SNX31: variants seen among roughly 807,000 people sequenced by gnomAD.
SNX31 encodes the protein sorting nexin-31.
A neutral mutation model predicts 65.4 loss-of-function variants in SNX31; 58 were observed. The observed-to-expected ratio is 0.89, with a 90% CI of 0.72 to 1.10. The LOEUF is 1.10. SNX31 is among the 50% of genes least tolerant of loss of function. The pLI is 0.00. For synonymous variants in SNX31, 181 were observed against 190.1 expected (o/e 0.95, Z 0.39); for missense variants, 523 against 529.7 (o/e 0.99, Z 0.12).
chr8:100,583,440 A>G (rs1813742077), intron 12 of SNX31, among the ~76,000 whole-genome samples: 1 of 152,082 alleles, frequency 6.6e-6, no homozygotes, highest in African/African-American at 2.4e-5. Flanking sequence ...TAAAAAAAAA[A>G]TTGTACTGTC....
chr8:100,584,780 ACT>A (rs1355410919), intron 11 of SNX31, among the ~76,000 whole-genome samples: 1 of 132,284 alleles, frequency 7.6e-6, no homozygotes, highest in African/African-American at 2.9e-5. Context: ...AGACAGTCTC[ACT>A]CTGTCACCCA....
chr8:100,582,800 A>G (rs1586846372), intron 12 of SNX31, among the ~76,000 whole-genome samples: 1 of 151,586 alleles, frequency 6.6e-6, no homozygotes, highest in Admixed American at 6.6e-5. Context: ...ACGTGGTGCA[A>G]CCCTGTCTCT....
At chr8:100,618,816 G>A (rs1235881640) in intron 4 of SNX31, 1 of 167,172 alleles carries the variant, frequency 6.0e-6, no homozygotes, top group Non-Finnish European at 1.3e-5. Flanking sequence ...TCCCAGCACC[G>A]CCACTTGCTC....
chr8:100,592,426 T>C (rs1489184488), intron 10 of SNX31, among the ~76,000 whole-genome samples: 1 of 152,198 alleles, frequency 6.6e-6, no homozygotes, highest in Non-Finnish European at 1.5e-5. Context: ...CACAATGGGA[T>C]ACCGTGTCAC....
intron 12 of SNX31, among the ~76,000 whole-genome samples, chr8:100,577,360 C>T (rs1465256421): frequency 1.3e-5 from 2 of 152,188 alleles, no homozygotes; most frequent in Admixed American, 6.5e-5. Flanking sequence ...GAACATCACA[C>T]GAAATGAAAT....
Position 100,588,948 on chromosome 8 carries a change from C to T in SNX31, c.1010G>A (p.Arg337Lys), listed in dbSNP as rs781483430. The stretch of plus-strand genomic sequence containing the variant: ...GAGCTCTAAGTTCTGGTTGAGAGTT[C>T]TCTGGGGCCCATCCGTATCCAGCAG... ...GTLLDTDGPQ[R>K]TLNQNLELRF... The change falls in exon 11 of 14, where the codon AGA becomes AAA. Residue 337 changes from arginine to lysine, a missense_variant. Coordinates refer to ENST00000311812, the MANE Select transcript of SNX31 (RefSeq NM_152628.4). The surrounding 1 kb of genome is among the most constrained non-coding windows in gnomAD (Gnocchi z 4.8). 6.2e-7 allele frequency: 1 copy of T among 1,614,016 alleles called. No individual in the cohort carries two copies. The highest frequency in any genetic ancestry group is 8.5e-7 in the Non-Finnish European group (1 of 1,179,922).
chr8:100,626,318 C>T lies in SNX31; in HGVS notation c.321+4009G>A, dbSNP rs765849008. ...TACAAAAAGCCTAAGTAAATTGACCCAAGTCATATAAATCAAAAGTAGGGC... is the reference window on the plus strand; with the variant it reads ...TACAAAAAGCCTAAGTAAATTGACCTAAGTCATATAAATCAAAAGTAGGGC... On this transcript the variant is annotated intron_variant, in intron 4 of 13. Coordinates refer to ENST00000311812, the MANE Select transcript of SNX31 (RefSeq NM_152628.4). The surrounding 1 kb of genome is among the most constrained non-coding windows in gnomAD (Gnocchi z 4.4). 3.9e-5 allele frequency among the ~76,000 whole-genome samples: 6 copies of T among 152,124 alleles called. No individual in the cohort carries two copies. Among genetic ancestry groups the T allele is most frequent in the Non-Finnish European group, 8.8e-5 (6 of 68,036 alleles).
At chr8:100,596,903 A>G in intron 9 of SNX31, 61 bp from the exon 10 acceptor site, 1 of 1,384,584 alleles carries the variant, frequency 7.2e-7, no homozygotes, top group Non-Finnish European at 1.0e-6. Context: ...GACCACTTGA[A>G]ACAGATGAAA....
At chr8:100,590,813 T>C (rs992730098) in intron 10 of SNX31, among the ~76,000 whole-genome samples, 2 of 150,552 alleles carry the variant, frequency 1.3e-5, no homozygotes, top group Non-Finnish European at 2.9e-5. Flanking sequence ...AACAACAAAA[T>C]ATGAATTGGA....
chr8:100,641,612 ACG>A (rs1819228461), intron 2 of SNX31, among the ~76,000 whole-genome samples: 1 of 56,634 alleles, frequency 1.8e-5, no homozygotes, highest in Non-Finnish European at 3.3e-5. Flanking sequence ...ACACACACAC[ACG>A]CACACACGCG....
At position 100,648,517 on chromosome 8, in the gene SNX31, C is replaced by CA. The variant is rs1199857858; in HGVS notation, c.141+756dup. On this transcript the variant is annotated intron_variant, in intron 2 of 13. Transcript: ENST00000311812. The surrounding 1 kb of genome is among the most constrained non-coding windows in gnomAD (Gnocchi z 4.3). ...GCTGTTTATAACCTAAAATCTAAAA[C>CA]AAAAAAACAAAAATCACTATTCATG... Among the ~76,000 whole-genome samples the CA allele has an allele frequency of 2.0e-5, 3 of 151,600 alleles. No individual in the cohort carries two copies. The highest frequency in any genetic ancestry group is 2.9e-5 in the Non-Finnish European group (2 of 67,844).
upstream of SNX31, among the ~76,000 whole-genome samples, chr8:100,649,922 C>T (rs920014463): frequency 6.6e-6 from 1 of 152,208 alleles, no homozygotes; most frequent in African/African-American, 2.4e-5. Flanking sequence ...CTAGTAACTG[C>T]CTTATGATTA....
At chr8:100,637,585 A>G (rs1037631494) in intron 2 of SNX31, among the ~76,000 whole-genome samples, 1 of 152,200 alleles carries the variant, frequency 6.6e-6, no homozygotes, top group Non-Finnish European at 1.5e-5. Context: ...CCAAGTCACT[A>G]TCATCTCTTT....
upstream of SNX31, among the ~76,000 whole-genome samples, chr8:100,650,404 C>T (rs796851993): frequency 1.9e-4 from 29 of 152,258 alleles, no homozygotes; most frequent in African/African-American, 6.3e-4. Context: ...CTACCACGGA[C>T]AAAACAGGCC....
chr8:100,597,676 G>A (rs757322124), intron 9 of SNX31, among the ~76,000 whole-genome samples: 2 of 152,204 alleles, frequency 1.3e-5, no homozygotes, highest in Non-Finnish European at 2.9e-5. Flanking sequence ...ATGAGGGCAC[G>A]AGCTGGTCTG....
intron 9 of SNX31, among the ~76,000 whole-genome samples, chr8:100,597,243 T>C (rs184058932): frequency 1.6e-4 from 24 of 151,664 alleles, no homozygotes; most frequent in African/African-American, 5.6e-4. Flanking sequence ...AAAGTGTACA[T>C]TGGCTTTTTT....
In SNX31 at chr8:100,660,629, A is replaced by G. The variant is rs1809766808; in HGVS notation, c.-58+2513T>C. On this transcript the variant is annotated intron_variant, in intron 1 of 5. Coordinates refer to the SNX31 transcript ENST00000520352. The surrounding 1 kb of genome is among the most constrained non-coding windows in gnomAD (Gnocchi z 4.1). ...TCTGTAGGGGTCAAACTTGATGCCC[A>G]GAAAGTTCCTATATTCAGCCTTCCC... 6.6e-6 allele frequency among the ~76,000 whole-genome samples: 1 copy of G among 152,206 alleles called. No individual in the cohort carries two copies. The highest frequency in any genetic ancestry group is 1.5e-5 in the Non-Finnish European group (1 of 68,028).
At chr8:100,640,326 A>G (rs916632564) in intron 2 of SNX31, among the ~76,000 whole-genome samples, 6 of 152,146 alleles carry the variant, frequency 3.9e-5, no homozygotes, top group African/African-American at 1.2e-4. Context: ...GGGTTTCTCC[A>G]TGTTGGTCAG....
At position 100,594,961 on chromosome 8, in the gene SNX31, C is replaced by A. The variant is rs959078995; in HGVS notation, c.978+1678G>T. Among the ~76,000 whole-genome samples, 2 of 152,168 alleles carry A rather than the reference C, an allele frequency of 1.3e-5. No individual in the cohort carries two copies. Among genetic ancestry groups the A allele is most frequent in the Admixed American group, 1.3e-4 (2 of 15,272 alleles). The stretch of plus-strand genomic sequence containing the variant: ...ATCCAGACCATGGACTGCTGCTCAA[C>A]AATAAAAAGAGACAAACTACTGATA... On this transcript the variant is annotated intron_variant, in intron 10 of 13. Transcript: ENST00000311812. The surrounding 1 kb of genome is among the most constrained non-coding windows in gnomAD (Gnocchi z 4.0).
Sources: allele counts gnomAD v4.1 joint callset (sites outside exome capture counted in the v4.1 genomes callset), GRCh38; gene constraint gnomAD v4.1.1; non-coding constraint Gnocchi (gnomAD v3.1); transcripts MANE v1.5; gene names NCBI Gene and HGNC (gene_info 2026-07-23, HGNC 2026-07-21).